GSTT4: variants seen among roughly 807,000 people sequenced by gnomAD.
GSTT4 encodes glutathione S-transferase theta 4.
At chr22:23,990,557 T>C in the GSTT4 span, among the ~76,000 whole-genome samples, 1 of 99,806 alleles carries the variant, frequency 1.0e-5, no homozygotes, top group Non-Finnish European at 2.3e-5. Context: ...TCCTGAGAGG[T>C]CAAGGCTGCA....
downstream of GSTT4, among the ~76,000 whole-genome samples, chr22:23,994,469 T>C (rs1422447387): frequency 2.2e-3 from 276 of 125,130 alleles, no homozygotes; most frequent in Middle Eastern, 4.0e-3. Context: ...CCTCTGTGGA[T>C]AGGAAGTAGC....
chr22:23,997,022 C>T (rs554652), downstream of GSTT4, among the ~76,000 whole-genome samples: 1 of 151,878 alleles, frequency 6.6e-6, no homozygotes, highest in Non-Finnish European at 1.5e-5. Flanking sequence ...TTGTTACAGG[C>T]CTATTAAAAT....
At chr22:23,989,804 G>T in the GSTT4 span, among the ~76,000 whole-genome samples, 2 of 149,286 alleles carry the variant, frequency 1.3e-5, no homozygotes, top group East Asian at 4.0e-4. Context: ...CGCATTAGGT[G>T]CCTGGTGTTT....
At chr22:24,002,431 C>T (rs966820185) in intron 2 of GSTT4, among the ~76,000 whole-genome samples, 2 of 152,274 alleles carry the variant, frequency 1.3e-5, no homozygotes, top group African/African-American at 4.8e-5. Context: ...AGAACAAGGG[C>T]TCCTTTATCA....
intron 4 of GSTT4, among the ~76,000 whole-genome samples, chr22:23,999,288 G>T (rs2034174817): frequency 6.6e-6 from 1 of 152,042 alleles, no homozygotes; most frequent in Non-Finnish European, 1.5e-5. Flanking sequence ...GAAGCATATG[G>T]CTGAACCCTT....
chr22:23,995,597 T>A (rs1254836166), downstream of GSTT4, among the ~76,000 whole-genome samples: 3,875 of 84,418 alleles, frequency 0.046, no homozygotes, highest in Middle Eastern at 0.11. Context: ...CCTTGGCCTT[T>A]TCTACATTAC....
chr22:23,989,922 T>A, the GSTT4 span, among the ~76,000 whole-genome samples: 2 of 151,104 alleles, frequency 1.3e-5, no homozygotes, highest in Admixed American at 6.6e-5. Flanking sequence ...CCATTCTCCC[T>A]CCACAGACTG....
intron 2 of GSTT4, among the ~76,000 whole-genome samples, chr22:24,002,487 A>G (rs2034253710): frequency 6.6e-6 from 1 of 152,274 alleles, no homozygotes; most frequent in South Asian, 2.1e-4. Flanking sequence ...GGGCATGGAG[A>G]GAGCTATCGG....
At chr22:24,003,438 C>G (rs1049533094) in intron 2 of GSTT4, among the ~76,000 whole-genome samples, 4 of 152,234 alleles carry the variant, frequency 2.6e-5, no homozygotes, top group Non-Finnish European at 4.4e-5. Flanking sequence ...TGGTCTTGAA[C>G]ACGTGAGCTC....
chr22:23,996,006 T>C (rs554862783), downstream of GSTT4, among the ~76,000 whole-genome samples: 1 of 152,136 alleles, frequency 6.6e-6, no homozygotes, highest in African/African-American at 2.4e-5. Context: ...TGCAGTGGCT[T>C]GATCTTGGCA....
intron 2 of GSTT4, among the ~76,000 whole-genome samples, chr22:24,002,582 G>A (rs558198870): frequency 2.7e-5 from 1 of 37,712 alleles, no homozygotes; most frequent in East Asian, 4.1e-4. Context: ...TGTAATCCCA[G>A]CACTCTGGGA....
chr22:23,993,236 CTTGTTT>C, the GSTT4 span, among the ~76,000 whole-genome samples: 41 of 152,270 alleles, frequency 2.7e-4, no homozygotes, highest in Non-Finnish European at 5.6e-4. Context: ...CTTCTTCTCT[CTTGTTT>C]TTTAGAGACG....
chr22:23,990,622 TAATAAATA>T, the GSTT4 span, among the ~76,000 whole-genome samples: 17 of 66,492 alleles, frequency 2.6e-4, 1 homozygote, highest in South Asian at 6.8e-4. Flanking sequence ...TGAGACACTG[TAATAAATA>T]AATAAATAAA....
chr22:23,997,158 A>G (rs1290266613), downstream of GSTT4, among the ~76,000 whole-genome samples: 1 of 151,940 alleles, frequency 6.6e-6, no homozygotes, highest in South Asian at 2.1e-4. Context: ...GAATTTCTCT[A>G]TGACCAATGT....
At chr22:24,005,051 G>C (rs1313691685) in intron 1 of GSTT4, 194 bp downstream of exon 1, 1 of 152,286 alleles carries the variant, frequency 6.6e-6, no homozygotes, top group Non-Finnish European at 1.5e-5. Context: ...TCTAATCCCA[G>C]CTACTTGGGA....
chr22:24,002,282 G>T (rs1159552080), intron 2 of GSTT4, among the ~76,000 whole-genome samples: 1 of 152,268 alleles, frequency 6.6e-6, no homozygotes. Context: ...CAATGAGGGG[G>T]CCAGCAACTA....
the GSTT4 span, among the ~76,000 whole-genome samples, chr22:23,990,453 C>CAAAAAAAAAAAAAAAAAA: frequency 2.3e-4 from 7 of 29,972 alleles, 1 homozygote; most frequent in African/African-American, 1.0e-3. Context: ...CTACACACAC[C>CAAAAAAAAAAAAAAAAAA]AAAAAAAAAA....
chr22:23,990,739 T>A, the GSTT4 span, among the ~76,000 whole-genome samples: 6 of 97,180 alleles, frequency 6.2e-5, no homozygotes, highest in African/African-American at 1.3e-4. Context: ...AGGCAGTTTG[T>A]TTTTTCCAAG....
intron 2 of GSTT4, among the ~76,000 whole-genome samples, chr22:24,001,570 A>G (rs2034231520): frequency 6.6e-6 from 1 of 152,272 alleles, no homozygotes; most frequent in African/African-American, 2.4e-5. Flanking sequence ...CAGGGGGAAC[A>G]ACACGTGTTG....
Sources: gnomAD v4.1 joint callset for allele counts (sites outside exome capture counted in the v4.1 genomes callset) on GRCh38, gnomAD v4.1.1 for gene constraint, MANE v1.5 for transcripts, NCBI Gene and HGNC (gene_info 2026-07-23, HGNC 2026-07-21) for gene names.